The following CCN4 variants were observed in gnomAD, a reference collection of about 807,000 sequenced individuals.
CCN4 encodes CCN family member 4.
CCN4 carries 30 observed loss-of-function variants against 36.7 expected under a neutral mutation model. That is an observed-to-expected ratio of 0.82 (90% CI 0.61 to 1.11). The LOEUF (loss-of-function observed/expected upper bound fraction) is 1.11. CCN4 is among the 50% of genes least tolerant of loss of function. CCN4 has a pLI of 0.00. For synonymous variants in CCN4, 191 were observed against 195.4 expected (o/e 0.98, Z 0.19); for missense variants, 505 against 504.9 (o/e 1.00, Z 0.00).
chr8:133,201,948 C>T (rs4382455), intron 1 of CCN4, among the ~76,000 whole-genome samples: 5 of 152,014 alleles, frequency 3.3e-5, no homozygotes, highest in East Asian at 3.9e-4. Context: ...GCTGCCGATG[C>T]GTATGTAGGG....
intron 1 of CCN4, among the ~76,000 whole-genome samples, chr8:133,193,064 G>T (rs1011111377): frequency 2.0e-5 from 3 of 152,172 alleles, no homozygotes; most frequent in African/African-American, 7.2e-5. Context: ...GAGTTCTCAG[G>T]ATGTCCTGAA....
chr8:133,213,152 G>C lies in CCN4; in HGVS notation c.349+9G>C, dbSNP rs779062497. On this transcript the variant is annotated intron_variant, in intron 2 of 4. Transcript: ENST00000250160. ...AATAGGAGTGTGTGCACGTAAGTGAGTCCTCCATACCTTCTGACCAGCCCC... is the reference window on the plus strand; with the variant it reads ...AATAGGAGTGTGTGCACGTAAGTGACTCCTCCATACCTTCTGACCAGCCCC... 2.1e-6 allele frequency: 3 copies of C among 1,440,118 alleles called. No individual in the cohort carries two copies. Among genetic ancestry groups the C allele is most frequent in the Non-Finnish European group, 2.7e-6 (3 of 1,095,214 alleles). 89.2% of individuals were successfully genotyped at this position (1,440,118 alleles called of 1,614,324 possible). A position where few individuals can be genotyped will look rare whatever the true frequency, so the allele number is the denominator to read the frequency against.
intron 1 of CCN4, among the ~76,000 whole-genome samples, chr8:133,197,111 G>GGTT (rs1383099475): frequency 3.3e-5 from 5 of 152,066 alleles, no homozygotes; most frequent in African/African-American, 1.2e-4. Context: ...TGGTGGTGGT[G>GGTT]GTGGTGCCTG....
chr8:133,226,382 A>G (rs958479674), intron 4 of CCN4, among the ~76,000 whole-genome samples: 2 of 152,210 alleles, frequency 1.3e-5, no homozygotes, highest in African/African-American at 4.8e-5. Flanking sequence ...GACATCCAAC[A>G]TCACTCCTCA....
chr8:133,224,572 T>C (rs1854658334), intron 3 of CCN4, among the ~76,000 whole-genome samples: 1 of 152,160 alleles, frequency 6.6e-6, no homozygotes, highest in Non-Finnish European at 1.5e-5. Flanking sequence ...TGCTGGCATG[T>C]AGCTACTTGC....
At position 133,227,824 on chromosome 8, in the gene CCN4, C is replaced by T; in HGVS notation, c.*114C>T. ...TAGTTACCCTGATCTGGACCCTTGG[C>T]CTCCATTTCTGTCTCTAACCATTCA... On this transcript the variant is annotated 3_prime_UTR_variant, in exon 5 of 5. Transcript: ENST00000250160. 1.7e-6 allele frequency: 2 copies of T among 1,193,946 alleles called. No individual in the cohort carries two copies. Among genetic ancestry groups the T allele is most frequent in the Non-Finnish European group, 2.3e-6 (2 of 864,478 alleles). 74.0% of individuals were successfully genotyped at this position (1,193,946 alleles called of 1,614,324 possible).
At chr8:133,217,888 A>T (rs1473189366) in intron 2 of CCN4, among the ~76,000 whole-genome samples, 2 of 148,600 alleles carry the variant, frequency 1.3e-5, no homozygotes, top group Admixed American at 1.4e-4. Flanking sequence ...CTCCCTCCAA[A>T]GTCTCCACAT....
intron 3 of CCN4, among the ~76,000 whole-genome samples, chr8:133,222,352 T>C (rs1035814735): frequency 2.0e-5 from 3 of 152,096 alleles, no homozygotes; most frequent in African/African-American, 7.2e-5. Context: ...TAGGATCAAA[T>C]ACAAGAGAAG....
At chr8:133,194,461 T>C (rs1853251228) in intron 1 of CCN4, among the ~76,000 whole-genome samples, 3 of 62,282 alleles carry the variant, frequency 4.8e-5, no homozygotes, top group Non-Finnish European at 5.4e-5. Flanking sequence ...GTGGTATGTG[T>C]GTGGGGTGTG....
intron 2 of CCN4, among the ~76,000 whole-genome samples, chr8:133,217,936 C>CCACACACACACACACA (rs58105917): frequency 0.015 from 2,122 of 144,482 alleles, 62 homozygotes; most frequent in African/African-American, 0.049. Context: ...ACTCCCTTCT[C>CCACACACACACACACA]CACACACACA....
At chr8:133,194,219 G>A (rs1257027583) in intron 1 of CCN4, among the ~76,000 whole-genome samples, 1 of 151,940 alleles carries the variant, frequency 6.6e-6, no homozygotes, top group African/African-American at 2.4e-5. Context: ...GCTGCACTGT[G>A]TGTGTGTGGG....
At position 133,220,678 on chromosome 8, in the gene CCN4, C is replaced by T. The variant is rs530441446; in HGVS notation, c.447C>T (p.Gly149=). The stretch of plus-strand genomic sequence containing the variant: ...AGTACAACTGCACGTGCATCGACGG[C>T]GCGGTGGGCTGCACACCACTGTGCC... ...NCKYNCTCID[G]AVGCTPLCLR... The change falls in exon 3 of 5, where the codon GGC becomes GGT. Residue 149 remains glycine, a synonymous_variant. Transcript: ENST00000250160. The T allele has an allele frequency of 3.3e-5, 53 of 1,614,032 alleles. No individual in the cohort carries two copies. The highest frequency in any genetic ancestry group is 4.0e-5 in the African/African-American group (3 of 75,070).
chr8:133,216,699 G>T (rs2130597072), intron 2 of CCN4, among the ~76,000 whole-genome samples: 1 of 152,288 alleles, frequency 6.6e-6, no homozygotes, highest in East Asian at 1.9e-4. Flanking sequence ...AGTGTGGTTT[G>T]GTGGAAGGAT....
At chr8:133,193,722 G>A (rs912303998) in intron 1 of CCN4, among the ~76,000 whole-genome samples, 1 of 152,252 alleles carries the variant, frequency 6.6e-6, no homozygotes, top group Non-Finnish European at 1.5e-5. Flanking sequence ...GAGACTCGGA[G>A]AGGTTAAGTA....
chr8:133,194,629 G>T (rs1588177430), intron 1 of CCN4, among the ~76,000 whole-genome samples: 9 of 125,330 alleles, frequency 7.2e-5, no homozygotes, highest in East Asian at 5.2e-4. Context: ...GTGTGTGTGG[G>T]GTGTGTGGGG....
In CCN4 at chr8:133,231,046, T is replaced by C. The variant is rs1854942683; in HGVS notation, c.*3336T>C. 1 of 152,212 alleles carries C rather than the reference T, an allele frequency of 6.6e-6. No individual in the cohort carries two copies. The highest frequency in any genetic ancestry group is 6.5e-5 in the Admixed American group (1 of 15,276). 9.4% of individuals were successfully genotyped at this position (152,212 alleles called of 1,614,324 possible). ...CCCCCAAATCAAAAGGCATGACCTT[T>C]ATAAGAGGCGCTTTACTGACAATAG... On this transcript the variant is annotated 3_prime_UTR_variant, in exon 5 of 5. Coordinates refer to ENST00000250160, the MANE Select transcript of CCN4 (RefSeq NM_003882.4).
chr8:133,230,453 G>T lies in CCN4; in HGVS notation c.*2743G>T, dbSNP rs1293415240. 6.6e-6 allele frequency: 1 copy of T among 152,198 alleles called. No individual in the cohort carries two copies. Among genetic ancestry groups the T allele is most frequent in the Non-Finnish European group, 1.5e-5 (1 of 68,048 alleles). The allele number at this position is 152,198 out of a possible 1,614,324, so 9.4% of individuals were successfully genotyped here. On this transcript the variant is annotated 3_prime_UTR_variant, in exon 5 of 5. Transcript: ENST00000250160. ...GTATGCATCTTTCACTATTTTATAAGTGGAAAAGAGAAGTGCCCCCAAAAA... is the reference window on the plus strand; with the variant it reads ...GTATGCATCTTTCACTATTTTATAATTGGAAAAGAGAAGTGCCCCCAAAAA...
At position 133,227,440 on chromosome 8, in the gene CCN4, G is replaced by A. The variant is rs945771598; in HGVS notation, c.834G>A (p.Gln278=). 1.2e-6 allele frequency: 2 copies of A among 1,614,044 alleles called. No homozygotes were observed. Among genetic ancestry groups the A allele is most frequent in the Non-Finnish European group, 1.7e-6 (2 of 1,179,976 alleles). Residue 278 remains glutamine (Q), a synonymous_variant, in exon 5 of 5, where the codon CAG becomes CAA. Transcript: ENST00000250160. ...KAGKKCLAVY[Q]PEASMNFTLA... is the part of the protein sequence containing the mutation. ...GGAAGAAGTGTCTGGCTGTGTACCA[G>A]CCAGAGGCATCCATGAACTTCACAC...
intron 1 of CCN4, among the ~76,000 whole-genome samples, chr8:133,200,305 C>A (rs1588182892): frequency 6.6e-6 from 1 of 152,192 alleles, no homozygotes; most frequent in Non-Finnish European, 1.5e-5. Flanking sequence ...GGGACTGGAG[C>A]CCAGGGCCTC....
Sources: gnomAD v4.1 joint callset for allele counts (sites outside exome capture counted in the v4.1 genomes callset) on GRCh38, gnomAD v4.1.1 for gene constraint, MANE v1.5 for transcripts, NCBI Gene and HGNC (gene_info 2026-07-23, HGNC 2026-07-21) for gene names.